TMPRSS15: variants seen among roughly 807,000 people sequenced by gnomAD.
TMPRSS15 encodes transmembrane serine protease 15.
Under a neutral mutation model 125.3 loss-of-function variants are expected in TMPRSS15, and 128 were observed. The observed-to-expected ratio is 1.02, with a 90% CI of 0.89 to 1.18. The LOEUF is 1.18. TMPRSS15 is among the 50% of genes most tolerant of loss of function. The probability of loss-of-function intolerance (pLI) is 0.00; values close to 1 mark genes in which losing one functional copy is unlikely to be tolerated. For missense variants in TMPRSS15, 1,283 were observed against 1,212.7 expected (o/e 1.06, Z -0.86); for synonymous variants, 446 against 423.2 (o/e 1.05, Z -0.66).
intron 1 of TMPRSS15, among the ~76,000 whole-genome samples, chr21:18,401,418 T>C (rs1170404728): frequency 6.6e-6 from 1 of 152,184 alleles, no homozygotes; most frequent in Non-Finnish European, 1.5e-5. Context: ...AATGAACTCA[T>C]GTCCTTTGCA....
At chr21:18,482,229 C>T (rs904857805) in intron 1 of TMPRSS15, among the ~76,000 whole-genome samples, 3 of 151,056 alleles carry the variant, frequency 2.0e-5, no homozygotes, top group Non-Finnish European at 4.4e-5. Context: ...ATATGAACAC[C>T]AATTTTGATG....
chr21:18,364,954 A>G lies in TMPRSS15; in HGVS notation c.773+186T>C, dbSNP rs113371368. 9.8e-3 allele frequency among the ~76,000 whole-genome samples: 1,499 copies of G among 152,336 alleles called. 29 individuals are homozygous for G. The highest frequency in any genetic ancestry group is 0.033 in the African/African-American group (1,366 of 41,576). On this transcript the variant is annotated intron_variant, in intron 7 of 24. Coordinates refer to ENST00000284885, the MANE Select transcript of TMPRSS15 (RefSeq NM_002772.3). ...CTTATTAGACAGTATTGTTCATAGC[A>G]CAGAATAGCTTTTTAAAAGGTTAAA...
chr21:18,378,836 C>CTGAA lies in TMPRSS15; in HGVS notation c.532+443_532+446dup, dbSNP rs552035017. 3.9e-5 allele frequency among the ~76,000 whole-genome samples: 6 copies of CTGAA among 152,096 alleles called. No individual in the cohort carries two copies. The South Asian group carries it at 1.2e-3, about 32-fold the overall frequency. On this transcript the variant is annotated intron_variant, in intron 5 of 24. Transcript: ENST00000284885. The stretch of plus-strand genomic sequence containing the variant: ...CAAAGTAGATACTTAAAAAAAATTC[C>CTGAA]TGAATGAATGAATGAATCCAAGGCT...
chr21:18,296,602 A>AT (rs2074910675), intron 19 of TMPRSS15, among the ~76,000 whole-genome samples: 1 of 152,216 alleles, frequency 6.6e-6, no homozygotes, highest in Non-Finnish European at 1.5e-5. Context: ...CATGCATATA[A>AT]TTAACATAAA....
intron 3 of TMPRSS15, 120 bp from the exon 4 acceptor site, chr21:18,383,898 A>G: frequency 8.3e-7 from 1 of 1,210,760 alleles, no homozygotes. Context: ...TTCTCATTAT[A>G]CCTGTGTAAG....
In TMPRSS15 at chr21:18,313,035, C is replaced by A; in HGVS notation, c.2075G>T (p.Arg692Leu). Residue 692 changes from arginine (R) to leucine (L), a missense_variant, in exon 18 of 25, where the codon CGG (arginine) becomes CTG (leucine). Physicochemically the swap from Arg to Leu is moderately radical, Grantham distance 102. Transcript: ENST00000284885. ...NGTTNNNGLV[R>L]FRIQSIWHTA... ...ATGCCATATGCTCTGGATTCTGAAC[C>A]GCACTAAACCATTGTTGTTCGTTGT... 1 of 1,613,780 alleles carries A rather than the reference C, an allele frequency of 6.2e-7. No homozygotes were observed. Among genetic ancestry groups the A allele is most frequent in the South Asian group, 1.1e-5 (1 of 91,030 alleles).
intron 9 of TMPRSS15, 41 bp from the exon 10 acceptor site, chr21:18,353,093 C>T (rs541674770): frequency 6.4e-7 from 1 of 1,561,408 alleles, no homozygotes; most frequent in African/African-American, 1.4e-5. Flanking sequence ...AAATTTAGTC[C>T]ATAATGTGAG....
intron 21 of TMPRSS15, among the ~76,000 whole-genome samples, chr21:18,289,964 C>A (rs1156623806): frequency 6.6e-6 from 1 of 152,118 alleles, no homozygotes; most frequent in Non-Finnish European, 1.5e-5. Context: ...ATGCATTTTC[C>A]TATATGTCAG....
At chr21:18,353,630 A>G (rs1601379763) in intron 9 of TMPRSS15, 93 bp downstream of exon 9, 1 of 1,156,168 alleles carries the variant, frequency 8.6e-7, no homozygotes, top group Non-Finnish European at 1.3e-6. Flanking sequence ...ATAAAATTAC[A>G]TCATGAAAAT....
rs142388211 is a variant in TMPRSS15 at position 18,337,416 on chromosome 21, G to A, written c.1564+3997C>T. 9.1e-3 allele frequency among the ~76,000 whole-genome samples: 1,381 copies of A among 152,176 alleles called. 16 individuals carry two copies. The highest frequency in any genetic ancestry group is 0.031 in the African/African-American group (1,276 of 41,520). ...TGTATACACCTATTTCTATTCAGTA[G>A]GTATCTTGTCATGAATCATCAAAAT... On this transcript the variant is annotated intron_variant, in intron 13 of 24. Coordinates refer to ENST00000284885, the MANE Select transcript of TMPRSS15 (RefSeq NM_002772.3).
intron 21 of TMPRSS15, among the ~76,000 whole-genome samples, chr21:18,289,148 G>A (rs2074802801): frequency 1.3e-5 from 2 of 152,226 alleles, no homozygotes; most frequent in South Asian, 2.1e-4. Flanking sequence ...TATTATAAAT[G>A]CTTAACTGTT....
intron 1 of TMPRSS15, among the ~76,000 whole-genome samples, chr21:18,434,022 C>A (rs2076222618): frequency 6.6e-6 from 1 of 152,176 alleles, no homozygotes. Flanking sequence ...AGCTCTTTCA[C>A]ATGGATCCAT....
At chr21:18,295,480 A>G (rs1030981674) in intron 19 of TMPRSS15, among the ~76,000 whole-genome samples, 1 of 152,218 alleles carries the variant, frequency 6.6e-6, no homozygotes, top group Non-Finnish European at 1.5e-5. Context: ...AATTGTAATG[A>G]CTTACTTACA....
intron 6 of TMPRSS15, among the ~76,000 whole-genome samples, chr21:18,367,240 A>C (rs1250575599): frequency 6.6e-6 from 1 of 152,190 alleles, no homozygotes; most frequent in Admixed American, 6.5e-5. Flanking sequence ...CACAGATCAC[A>C]GGAAAGAAAG....
chr21:18,364,900 T>C (rs1398433315), intron 7 of TMPRSS15, among the ~76,000 whole-genome samples: 1 of 152,190 alleles, frequency 6.6e-6, no homozygotes, highest in Non-Finnish European at 1.5e-5. Context: ...AAAAATAAAC[T>C]TGCTTCAGAA....
intron 5 of TMPRSS15, 129 bp from the exon 6 acceptor site, chr21:18,372,453 T>C: frequency 1.2e-6 from 1 of 810,912 alleles, no homozygotes; most frequent in Non-Finnish European, 1.9e-6. Flanking sequence ...GGAATATTTA[T>C]TTCATTTGCA....
chr21:18,332,216 T>G, intron 13 of TMPRSS15, 43 bp from the exon 14 acceptor site: 1 of 1,517,702 alleles, frequency 6.6e-7, no homozygotes, highest in Non-Finnish European at 9.2e-7. Flanking sequence ...ATACAATGTT[T>G]ATTTCAGAGA....
chr21:18,386,012 G>A (rs912924752), intron 3 of TMPRSS15, among the ~76,000 whole-genome samples: 47 of 152,142 alleles, frequency 3.1e-4, no homozygotes, highest in African/African-American at 6.7e-4. Flanking sequence ...CAAAGTGCTG[G>A]GATTACAGGC....
intron 10 of TMPRSS15, among the ~76,000 whole-genome samples, chr21:18,345,548 T>G (rs1041014918): frequency 6.7e-6 from 1 of 150,242 alleles, no homozygotes; most frequent in Non-Finnish European, 1.5e-5. Flanking sequence ...CAGACCATCC[T>G]GGCTAACACG....
Sources: gnomAD v4.1 joint callset for allele counts (sites outside exome capture counted in the v4.1 genomes callset) on GRCh38, gnomAD v4.1.1 for gene constraint, MANE v1.5 for transcripts, NCBI Gene and HGNC (gene_info 2026-07-23, HGNC 2026-07-21) for gene names.